Variants in ERAP2 observed in about 807,000 individuals in gnomAD.
ERAP2 encodes endoplasmic reticulum aminopeptidase 2.
In ERAP2, 118 loss-of-function variants were observed where a neutral mutation model predicts 111.1. The ratio of observed to expected loss-of-function variants is 1.06; its 90% CI spans 0.92 to 1.24. The LOEUF is 1.24. ERAP2 is among the 50% of genes most tolerant of loss of function. The pLI is 0.00. For synonymous variants in ERAP2, 410 were observed against 401.2 expected (o/e 1.02, Z -0.26); for missense variants, 1,131 against 1,125.8 (o/e 1.00, Z -0.07).
At chr5:96,917,204 T>G (rs1214388081) in intron 18 of ERAP2, among the ~76,000 whole-genome samples, 1 of 151,412 alleles carries the variant, frequency 6.6e-6, no homozygotes, top group African/African-American at 2.4e-5. Context: ...CCTGCTGGGT[T>G]CAAGCAATCC....
At chr5:96,903,164 T>C (rs1785667372) in intron 12 of ERAP2, among the ~76,000 whole-genome samples, 1 of 152,228 alleles carries the variant, frequency 6.6e-6, no homozygotes, top group Admixed American at 6.5e-5. Flanking sequence ...TCAGCAGTCT[T>C]ATTCCTATGA....
intron 6 of ERAP2, among the ~76,000 whole-genome samples, 192 bp from the exon 7 acceptor site, chr5:96,895,054 G>A (rs558155163): frequency 6.6e-6 from 1 of 151,946 alleles, no homozygotes; most frequent in African/African-American, 2.4e-5. Context: ...AGAAAACCAA[G>A]CAAAAATGTG....
At position 96,892,449 on chromosome 5, in the gene ERAP2, A is replaced by G; in HGVS notation, c.1121A>G (p.His374Arg). ...VTRVIAHELA[H>R]QWFGNLVTME... ...AGAGTCATAGCCCATGAACTGGCGC[A>G]CCAGGTACTTGGCACTCATGACATT... The change falls in exon 6 of 19, where the codon CAC becomes CGC. Residue 374 changes from histidine (H) to arginine (R), a missense_variant. Coordinates refer to ENST00000437043, the MANE Select transcript of ERAP2 (RefSeq NM_022350.5). 1 of 1,613,904 alleles carries G rather than the reference A, an allele frequency of 6.2e-7. No homozygotes were observed. Among genetic ancestry groups the G allele is most frequent in the Non-Finnish European group, 8.5e-7 (1 of 1,179,852 alleles).
At position 96,892,477 on chromosome 5, in the gene ERAP2, C is replaced by T. The variant is rs766965697; in HGVS notation, c.1125+24C>T. The T allele has an allele frequency of 4.3e-6, 7 of 1,612,724 alleles. No homozygotes were observed. The East Asian group carries it at 1.3e-4, about 31-fold the overall frequency. ...AGGTACTTGGCACTCATGACATTATCTCGATATCAGTTCAAAATAACATTA... is the reference window on the plus strand; with the variant it reads ...AGGTACTTGGCACTCATGACATTATTTCGATATCAGTTCAAAATAACATTA... On this transcript the variant is annotated intron_variant, in intron 6 of 18. Coordinates refer to ENST00000437043, the MANE Select transcript of ERAP2 (RefSeq NM_022350.5).
In ERAP2 at chr5:96,896,490, G is replaced by A. The variant is rs373007770; in HGVS notation, c.1357G>A (p.Val453Ile). 1.1e-5 allele frequency: 17 copies of A among 1,613,144 alleles called. No individual in the cohort carries two copies. Among genetic ancestry groups the A allele is most frequent in the Admixed American group, 1.7e-5 (1 of 59,854 alleles). Residue 453 changes from valine to isoleucine, a missense_variant, in exon 8 of 19, where the codon GTT (valine) becomes ATT (isoleucine). Val to Ile is a conservative substitution (Grantham distance 29). Transcript: ENST00000437043. ...PTQIQEMFDE[V>I]SYNKGACILN... ...TCAAATACAGGAAATGTTTGATGAA[G>A]TTTCCTATAACAAGGTAGTAAATAT...
At chr5:96,903,853 C>T (rs1415069276) in intron 13 of ERAP2, among the ~76,000 whole-genome samples, 1 of 152,184 alleles carries the variant, frequency 6.6e-6, no homozygotes, top group Non-Finnish European at 1.5e-5. Context: ...CTGTGGGCCA[C>T]AGGATAGCTA....
intron 1 of ERAP2, among the ~76,000 whole-genome samples, chr5:96,877,344 A>G (rs1185137781): frequency 2.0e-5 from 3 of 152,204 alleles, no homozygotes; most frequent in African/African-American, 7.2e-5. Context: ...TTCTAAAGTT[A>G]AAGACTGTGT....
chr5:96,901,845 CG>C (rs1785507169), intron 11 of ERAP2, among the ~76,000 whole-genome samples, 164 bp downstream of exon 11: 1 of 152,164 alleles, frequency 6.6e-6, no homozygotes, highest in Admixed American at 6.5e-5. Context: ...TCATATAACC[CG>C]GACTTCTTTG....
At chr5:96,912,885 G>C in intron 16 of ERAP2, 87 bp downstream of exon 16, 1 of 1,078,182 alleles carries the variant, frequency 9.3e-7, no homozygotes, top group Non-Finnish European at 1.3e-6. Context: ...CAGTTTTAAA[G>C]GCATAAGATA....
chr5:96,885,255 G>T (rs375675128), intron 3 of ERAP2, among the ~76,000 whole-genome samples: 1 of 152,100 alleles, frequency 6.6e-6, no homozygotes, highest in Non-Finnish European at 1.5e-5. Flanking sequence ...GCTGAGTTTG[G>T]TCAGAAGACC....
In ERAP2 at chr5:96,919,260, T is replaced by C. The variant is rs571201181; in HGVS notation, c.*1655T>C. 2 of 152,474 alleles carry C rather than the reference T, an allele frequency of 1.3e-5. No homozygotes were observed. The highest frequency in any genetic ancestry group is 1.9e-4 in the East Asian group (1 of 5,320). 9.4% of individuals were successfully genotyped at this position (152,474 alleles called of 1,614,324 possible). On this transcript the variant is annotated 3_prime_UTR_variant, in exon 19 of 19. Coordinates refer to ENST00000437043, the MANE Select transcript of ERAP2 (RefSeq NM_022350.5). Reference sequence around the variant, plus strand: ...TTGGGTGGCCATGGATGTGCCCCAATACAGTACACATTTTTTGGTTAAATT... The same window carrying C: ...TTGGGTGGCCATGGATGTGCCCCAACACAGTACACATTTTTTGGTTAAATT...
rs757198350 is a variant in ERAP2, at chr5:96,879,934, C to G, written c.249C>G (p.His83Gln). 1 of 1,614,176 alleles carries G rather than the reference C, an allele frequency of 6.2e-7. No homozygotes were observed. The highest frequency in any genetic ancestry group is 1.1e-5 in the South Asian group (1 of 91,086). ...VIPLHYDLFVHPNLTSLDFVA... is the reference protein window; with the variant it reads ...VIPLHYDLFVQPNLTSLDFVA... The stretch of plus-strand genomic sequence containing the variant: ...CTCTCCATTATGACCTCTTTGTCCA[C>G]CCCAATCTCACCTCTCTGGACTTTG... The change falls in exon 2 of 19, where the codon CAC becomes CAG. Residue 83 changes from histidine to glutamine, a missense_variant. Around this residue, in one of 3 missense-constraint regions of ERAP2, gnomAD observed 847 missense variants for 856.5 expected, o/e 0.99. Coordinates refer to ENST00000437043, the MANE Select transcript of ERAP2 (RefSeq NM_022350.5).
chr5:96,900,660 A>AAT (rs1441389577), intron 10 of ERAP2, among the ~76,000 whole-genome samples: 31 of 152,126 alleles, frequency 2.0e-4, no homozygotes, highest in East Asian at 5.8e-4. Flanking sequence ...TAATCCCCTG[A>AAT]ATATATATAT....
chr5:96,909,102 C>T lies in ERAP2; in HGVS notation c.2154C>T (p.Ile718=), dbSNP rs775697737. 2.5e-6 allele frequency: 4 copies of T among 1,613,924 alleles called. No homozygotes were observed. The South Asian group carries it at 4.4e-5, about 18-fold the overall frequency. Residue 718 remains isoleucine (I), a synonymous_variant, in exon 14 of 19, where the codon ATC becomes ATT. Transcript: ENST00000437043. ...HMMDRRNISD[I]SENLKRYLLQ... ...TGGACAGAAGGAATATTTCAGATAT[C>T]TCTGAAAACCTCAAGGTTTGTGTTG...
chr5:96,908,786 G>T (rs1414844779), intron 13 of ERAP2, among the ~76,000 whole-genome samples, 175 bp from the exon 14 acceptor site: 2 of 152,170 alleles, frequency 1.3e-5, no homozygotes. Context: ...GAGAGGTTTG[G>T]TAATTTGTCC....
chr5:96,879,985 G>T lies in ERAP2; in HGVS notation c.300G>T (p.Leu100Phe). 6.2e-7 allele frequency: 1 copy of T among 1,614,048 alleles called. No homozygotes were observed. The highest frequency in any genetic ancestry group is 8.5e-7 in the Non-Finnish European group (1 of 1,179,994). The part of the protein sequence containing the change: ...DFVASEKIEV[L>F]VSNATQFIIL... ...TTGCATCTGAGAAGATCGAAGTCTT[G>T]GTCAGCAATGCTACCCAGTTTATCA... is the stretch of plus-strand genomic sequence containing the variant. Residue 100 changes from leucine to phenylalanine, a missense_variant, in exon 2 of 19, where the codon TTG (leucine) becomes TTT (phenylalanine). Physicochemically the swap from Leu to Phe is conservative, Grantham distance 22 (BLOSUM62 0). This residue lies in a region of ERAP2 where 847 missense variants were observed against 856.5 expected (regional missense o/e 0.99). Coordinates refer to ENST00000437043, the MANE Select transcript of ERAP2 (RefSeq NM_022350.5).
At chr5:96,916,456 C>CTTTTTTTTTTTTTTTTTTTTTTTTTT (rs745860227) in intron 18 of ERAP2, among the ~76,000 whole-genome samples, 1 of 97,640 alleles carries the variant, frequency 1.0e-5, no homozygotes, top group Non-Finnish European at 1.9e-5. Flanking sequence ...TTCTAGTTAT[C>CTTTTTTTTTTTTTTTTTTTTTTTTTT]TTTTTTTTTT....
chr5:96,906,363 C>A (rs767380349), intron 13 of ERAP2, among the ~76,000 whole-genome samples: 1 of 152,092 alleles, frequency 6.6e-6, no homozygotes, highest in Non-Finnish European at 1.5e-5. Context: ...ACCTCCTGGG[C>A]TCAAGCGATC....
rs1179453076 is a variant in ERAP2, at chr5:96,919,063, G to T, written c.*1458G>T. ...AGTATAAAAATACAGATAAGTTTTA[G>T]AAAGACTCAAAACAATATGTAAATG... On this transcript the variant is annotated 3_prime_UTR_variant, in exon 19 of 19. Transcript: ENST00000437043. 1.3e-5 allele frequency: 2 copies of T among 152,162 alleles called. No individual in the cohort carries two copies. The highest frequency in any genetic ancestry group is 2.9e-5 in the Non-Finnish European group (2 of 68,030). 9.4% of individuals were successfully genotyped at this position (152,162 alleles called of 1,614,324 possible). A position where few individuals can be genotyped will look rare whatever the true frequency, so the allele number is the denominator to read the frequency against.
Sources: allele counts gnomAD v4.1 joint callset (sites outside exome capture counted in the v4.1 genomes callset), GRCh38; gene constraint gnomAD v4.1.1; regional missense constraint gnomAD v4.1.1; transcripts MANE v1.5; gene names NCBI Gene and HGNC (gene_info 2026-07-23, HGNC 2026-07-21).